The following GMDS variants were observed in gnomAD, a reference collection of about 807,000 sequenced individuals.
GMDS encodes GDP-mannose 4,6-dehydratase.
In GMDS, 20 loss-of-function variants were observed where a neutral mutation model predicts 49.9. That is an observed-to-expected ratio of 0.40 (90% confidence interval 0.28 to 0.58). GMDS has a LOEUF of 0.58. Among genes scored for constraint, GMDS ranks in the 20% least tolerant of loss-of-function variants. GMDS has a pLI of 0.42. For missense variants in GMDS, 362 were observed against 481.4 expected (o/e 0.75, Z 2.32); for synonymous variants, 177 against 178.6 (o/e 0.99, Z 0.07).
At chr6:2,124,625 A>G (rs1323033240) in intron 2 of GMDS, 62 bp downstream of exon 2, 6 of 1,192,576 alleles carry the variant, frequency 5.0e-6, no homozygotes, top group Non-Finnish European at 7.5e-6. Flanking sequence ...CAGAGGAAGC[A>G]TGTGGCCGCT....
intron 9 of GMDS, among the ~76,000 whole-genome samples, chr6:1,719,550 G>T (rs891616277): frequency 6.6e-6 from 1 of 151,700 alleles, no homozygotes; most frequent in East Asian, 1.9e-4. Flanking sequence ...CATGAACACA[G>T]ATTTTTGGAT....
At chr6:2,016,277 A>G (rs1449990260) in intron 4 of GMDS, among the ~76,000 whole-genome samples, 1 of 151,526 alleles carries the variant, frequency 6.6e-6, no homozygotes, top group East Asian at 1.9e-4. Context: ...AAAAAAGCAG[A>G]AAGCAGACGA....
chr6:1,795,748 G>T (rs1769711906), intron 7 of GMDS, among the ~76,000 whole-genome samples: 1 of 152,186 alleles, frequency 6.6e-6, no homozygotes, highest in African/African-American at 2.4e-5. Context: ...TTCTTATTCT[G>T]AAAGCAGTTC....
At chr6:2,199,153 ATATT>A (rs1779399265) in intron 1 of GMDS, among the ~76,000 whole-genome samples, 1 of 152,234 alleles carries the variant, frequency 6.6e-6, no homozygotes, top group African/African-American at 2.4e-5. Flanking sequence ...AATGGTATAA[ATATT>A]TAGACTAATT....
At chr6:2,104,758 A>G (rs915028724) in intron 4 of GMDS, among the ~76,000 whole-genome samples, 13 of 152,206 alleles carry the variant, frequency 8.5e-5, no homozygotes, top group African/African-American at 2.7e-4. Flanking sequence ...TTAATTTGGC[A>G]AATTTGATGA....
At chr6:2,176,324 A>C (rs1286235446) in intron 1 of GMDS, among the ~76,000 whole-genome samples, 1 of 152,228 alleles carries the variant, frequency 6.6e-6, no homozygotes, top group Admixed American at 6.5e-5. Flanking sequence ...CAAGCACTTA[A>C]GACAATGCAG....
chr6:2,218,165 C>T (rs1027074746), intron 1 of GMDS, among the ~76,000 whole-genome samples: 3 of 152,150 alleles, frequency 2.0e-5, no homozygotes, highest in African/African-American at 7.2e-5. Flanking sequence ...ACTTACTCCC[C>T]TTTTTGTAAC....
chr6:1,975,434 C>T (rs1332838634), intron 4 of GMDS, among the ~76,000 whole-genome samples: 3 of 152,206 alleles, frequency 2.0e-5, no homozygotes, highest in Non-Finnish European at 2.9e-5. Context: ...GCTGCATCTC[C>T]AGCACCTCCC....
intron 7 of GMDS, among the ~76,000 whole-genome samples, chr6:1,853,309 G>T (rs1457211431): frequency 6.6e-6 from 1 of 151,486 alleles, no homozygotes; most frequent in Non-Finnish European, 1.5e-5. Context: ...ACGAGGTCAG[G>T]AGATCGAGAC....
rs566063935 is a variant in GMDS at position 1,823,963 on chromosome 6, G to T, written c.772-81377C>A. Among the ~76,000 whole-genome samples the T allele has an allele frequency of 4.6e-5, 7 of 152,228 alleles. No homozygotes were observed. The South Asian group carries it at 1.2e-3, about 27-fold the overall frequency. On this transcript the variant is annotated intron_variant, in intron 7 of 10. Coordinates refer to ENST00000380815, the MANE Select transcript of GMDS (RefSeq NM_001500.4). ...GAGCACCTTCACTGGGGTATTCCCAGCATACTAGTACTTCACACTCAGGCT... is the reference window on the plus strand; with the variant it reads ...GAGCACCTTCACTGGGGTATTCCCATCATACTAGTACTTCACACTCAGGCT...
chr6:1,809,863 C>T (rs142576135), intron 7 of GMDS, among the ~76,000 whole-genome samples: 286 of 152,090 alleles, frequency 1.9e-3, no homozygotes, highest in African/African-American at 6.1e-3. Context: ...GAGGGTGATA[C>T]GTTACAATAC....
In GMDS at chr6:1,961,736, T is replaced by C. The variant is rs138462468; in HGVS notation, c.346-770A>G. The stretch of plus-strand genomic sequence containing the variant: ...TCACTGGTTTATTCGTAGGCTAATA[T>C]AGCTGGGCACAGTGCAAACAGGCTT... On this transcript the variant is annotated intron_variant, in intron 4 of 10. Coordinates refer to ENST00000380815, the MANE Select transcript of GMDS (RefSeq NM_001500.4). Among the ~76,000 whole-genome samples the C allele has an allele frequency of 2.6e-3, 391 of 152,332 alleles. 1 individual carries two copies. Among genetic ancestry groups the C allele is most frequent in the Admixed American group, 7.2e-3 (110 of 15,300 alleles).
At chr6:1,924,827 G>A (rs1474336395) in intron 7 of GMDS, among the ~76,000 whole-genome samples, 2 of 152,202 alleles carry the variant, frequency 1.3e-5, no homozygotes, top group Non-Finnish European at 2.9e-5. Context: ...CCTATATGGA[G>A]AGAGGTGGGC....
rs564497898 is a variant in GMDS, at chr6:2,164,859, C to T, written c.103-40128G>A. ...TGGAAAATAAAATGCTTGAGCTCAT[C>T]CTTTTCTTTCCCCACTTTGTCCAGT... On this transcript the variant is annotated intron_variant, in intron 1 of 10. Coordinates refer to ENST00000380815, the MANE Select transcript of GMDS (RefSeq NM_001500.4). Among the ~76,000 whole-genome samples the T allele has an allele frequency of 2.0e-5, 3 of 152,362 alleles. No homozygotes were observed. The East Asian group carries it at 5.8e-4, about 29-fold the overall frequency.
chr6:1,791,724 G>T (rs541932048), intron 7 of GMDS, among the ~76,000 whole-genome samples: 5 of 152,120 alleles, frequency 3.3e-5, no homozygotes, highest in Non-Finnish European at 5.9e-5. Flanking sequence ...AGAATACAAC[G>T]TGCATTTTGG....
At chr6:2,060,913 G>A (rs1034826163) in intron 4 of GMDS, among the ~76,000 whole-genome samples, 1 of 152,030 alleles carries the variant, frequency 6.6e-6, no homozygotes, top group Non-Finnish European at 1.5e-5. Flanking sequence ...CCAGCTACCT[G>A]GGAGGCTGAG....
intron 4 of GMDS, among the ~76,000 whole-genome samples, chr6:1,974,236 T>C (rs1764773057): frequency 6.6e-6 from 1 of 151,270 alleles, no homozygotes; most frequent in South Asian, 2.1e-4. Context: ...CATGTTTCAC[T>C]AGAAACATTT....
chr6:1,625,881 A>G (rs1762837400), intron 9 of GMDS, among the ~76,000 whole-genome samples: 1 of 152,262 alleles, frequency 6.6e-6, no homozygotes, highest in Non-Finnish European at 1.5e-5. Flanking sequence ...AAAATAGCCG[A>G]TCTTTAAAGG....
intron 4 of GMDS, among the ~76,000 whole-genome samples, chr6:2,106,667 G>A (rs183801298): frequency 1.9e-4 from 29 of 151,972 alleles, no homozygotes; most frequent in African/African-American, 6.8e-4. Flanking sequence ...GATGGAGACC[G>A]GCCTGGCCAA....
Sources: gnomAD v4.1 joint callset for allele counts (sites outside exome capture counted in the v4.1 genomes callset) on GRCh38, gnomAD v4.1.1 for gene constraint, MANE v1.5 for transcripts, NCBI Gene and HGNC (gene_info 2026-07-23, HGNC 2026-07-21) for gene names.